Variants in AP3B1 observed in about 807,000 individuals in gnomAD.
AP3B1 encodes the protein AP-3 complex subunit beta-1.
A neutral mutation model predicts 132.5 loss-of-function variants in AP3B1; 61 were observed. That is an observed-to-expected ratio of 0.46 (90% CI 0.37 to 0.57). The LOEUF is 0.57. AP3B1 is among the 20% of genes least tolerant of loss of function. The pLI, the probability that AP3B1 is intolerant of heterozygous loss-of-function variation, is 0.00. For missense variants in AP3B1, 1,120 were observed against 1,289.4 expected, an observed-to-expected ratio of 0.87 and a Z score of 2.01; for synonymous variants, 388 against 438.3, an observed-to-expected ratio of 0.89 and a Z score of 1.43.
intron 26 of AP3B1, chr5:78,003,556 T>A: frequency 2.8e-6 from 1 of 360,166 alleles, no homozygotes; most frequent in East Asian, 1.7e-4. Flanking sequence ...CTTACTAAGT[T>A]TCAATGAATT....
intron 11 of AP3B1, among the ~76,000 whole-genome samples, chr5:78,169,956 T>C (rs1011421237): frequency 6.6e-6 from 1 of 152,104 alleles, no homozygotes. Context: ...CGGCCCTGTG[T>C]CCAAGTGTTC....
chr5:78,253,142 T>C (rs1294245308), intron 2 of AP3B1, among the ~76,000 whole-genome samples: 2 of 152,210 alleles, frequency 1.3e-5, no homozygotes, highest in African/African-American at 4.8e-5. Context: ...AGTACCTCTA[T>C]GAGTCTGCAA....
intron 2 of AP3B1, 124 bp from the exon 3 acceptor site, chr5:78,241,060 T>A (rs1747113845): frequency 1.5e-6 from 1 of 675,118 alleles, no homozygotes; most frequent in African/African-American, 1.8e-5. Flanking sequence ...TTACCTCAAC[T>A]ATTTACAGCA....
intron 21 of AP3B1, among the ~76,000 whole-genome samples, chr5:78,096,136 G>C (rs551988050): frequency 1.3e-5 from 2 of 152,180 alleles, no homozygotes; most frequent in African/African-American, 2.4e-5. Flanking sequence ...TCAGCCTGCC[G>C]AGTGCCTGCG....
intron 2 of AP3B1, among the ~76,000 whole-genome samples, chr5:78,243,374 G>A (rs563622460): frequency 5.9e-5 from 9 of 152,054 alleles, no homozygotes; most frequent in East Asian, 3.9e-4. Context: ...ACTTTATTCC[G>A]CAGAACGTTA....
At chr5:78,272,133 G>GT in intron 1 of AP3B1, among the ~76,000 whole-genome samples, 1 of 152,102 alleles carries the variant, frequency 6.6e-6, no homozygotes, top group East Asian at 1.9e-4. Context: ...TTGATCCCAG[G>GT]TTTTTCAATA....
rs138676605 is a variant in AP3B1 at position 78,287,279 on chromosome 5, T to C, written c.128+7173A>G. ...TTTACCAGATCAGTGATTTTAAAAATAACATATCCTACTGTCAAGAAAGAA... is the reference window on the plus strand; with the variant it reads ...TTTACCAGATCAGTGATTTTAAAAACAACATATCCTACTGTCAAGAAAGAA... On this transcript the variant is annotated intron_variant, in intron 1 of 26. Coordinates refer to ENST00000255194, the MANE Select transcript of AP3B1 (RefSeq NM_003664.5). Among the ~76,000 whole-genome samples, 1,355 of 152,216 alleles carry C rather than the reference T, an allele frequency of 8.9e-3. 22 individuals carry two copies. Among genetic ancestry groups the C allele is most frequent in the African/African-American group, 0.031 (1,288 of 41,540 alleles).
chr5:78,201,941 G>T (rs1456204650), intron 7 of AP3B1, among the ~76,000 whole-genome samples: 1 of 152,140 alleles, frequency 6.6e-6, no homozygotes, highest in African/African-American at 2.4e-5. Flanking sequence ...TAAGCTCTGA[G>T]ATGTATACAG....
chr5:78,048,331 T>C (rs1414274903), intron 22 of AP3B1, among the ~76,000 whole-genome samples: 1 of 152,204 alleles, frequency 6.6e-6, no homozygotes, highest in Non-Finnish European at 1.5e-5. Flanking sequence ...GAGGAAGCTT[T>C]GCCCCCAATG....
intron 17 of AP3B1, among the ~76,000 whole-genome samples, chr5:78,121,050 C>A (rs1005916879): frequency 1.3e-5 from 2 of 152,060 alleles, no homozygotes; most frequent in Admixed American, 6.6e-5. Context: ...CACTCAAAAC[C>A]GCTCAACTGC....
chr5:78,173,175 A>C (rs1197352929), intron 11 of AP3B1, among the ~76,000 whole-genome samples: 1 of 152,196 alleles, frequency 6.6e-6, no homozygotes, highest in Non-Finnish European at 1.5e-5. Context: ...CTTTACTTCC[A>C]ACTATGTGGT....
At position 78,129,280 on chromosome 5, in the gene AP3B1, T is replaced by A; in HGVS notation, c.1678A>T (p.Asn560Tyr). 6.2e-7 allele frequency: 1 copy of A among 1,613,076 alleles called. No homozygotes were observed. Among genetic ancestry groups the A allele is most frequent in the Middle Eastern group, 1.7e-4 (1 of 6,056 alleles). Residue 560 changes from asparagine (N) to tyrosine (Y), a missense_variant, in exon 16 of 27, where the codon AAT (asparagine) becomes TAT (tyrosine). Around this residue, in one of 3 missense-constraint regions of AP3B1, gnomAD observed 906 missense variants for 997.1 expected, o/e 0.91. Transcript: ENST00000255194. ...QTKLLTQYIL[N>Y]LGKYDQNYDI... ...TAGTTTTGATCATACTTGCCGAGAT[T>A]TAATATGTACTGGGTAAGCAATTTT...
chr5:78,092,192 G>A (rs1435051890), intron 21 of AP3B1, among the ~76,000 whole-genome samples: 3 of 152,164 alleles, frequency 2.0e-5, no homozygotes, highest in Admixed American at 6.5e-5. Context: ...ATAAAAAACT[G>A]AATAAGAAAC....
chr5:78,246,113 T>TGCCC (rs1561499488), intron 2 of AP3B1, among the ~76,000 whole-genome samples: 5 of 152,150 alleles, frequency 3.3e-5, no homozygotes. Context: ...AATTCCAGAG[T>TGCCC]GCCCCAAAGA....
intron 22 of AP3B1, among the ~76,000 whole-genome samples, chr5:78,040,741 C>T (rs961415325): frequency 6.6e-5 from 10 of 151,956 alleles, no homozygotes; most frequent in African/African-American, 2.4e-4. Context: ...GTGTTGTCTC[C>T]CAACTAGATT....
intron 1 of AP3B1, among the ~76,000 whole-genome samples, chr5:78,268,462 C>T (rs980650526): frequency 6.6e-6 from 1 of 152,154 alleles, no homozygotes; most frequent in Non-Finnish European, 1.5e-5. Context: ...CACATACACA[C>T]ATGCCAAAAA....
intron 22 of AP3B1, among the ~76,000 whole-genome samples, chr5:78,083,244 G>T (rs1292443951): frequency 6.6e-6 from 1 of 152,118 alleles, no homozygotes; most frequent in African/African-American, 2.4e-5. Context: ...AAACGCAAAG[G>T]ATGAGTCAAG....
chr5:78,101,400 G>T (rs1275505465), intron 20 of AP3B1: 4 of 433,598 alleles, frequency 9.2e-6, no homozygotes, highest in African/African-American at 2.1e-5. Context: ...TTAAGAAAAA[G>T]AAATAACATA....
chr5:78,153,185 C>G (rs1753741959), intron 14 of AP3B1, among the ~76,000 whole-genome samples: 1 of 152,110 alleles, frequency 6.6e-6, no homozygotes, highest in Admixed American at 6.5e-5. Flanking sequence ...GTCTTTAGCT[C>G]TAGTAACATT....
Sources: allele counts gnomAD v4.1 joint callset (sites outside exome capture counted in the v4.1 genomes callset), GRCh38; gene constraint gnomAD v4.1.1; regional missense constraint gnomAD v4.1.1; transcripts MANE v1.5; gene names NCBI Gene and HGNC (gene_info 2026-07-23, HGNC 2026-07-21).